Variants in IGSF11 observed in about 807,000 individuals in gnomAD.
IGSF11 encodes immunoglobulin superfamily member 11, also known as CXADR like 1.
A neutral mutation model predicts 41.0 loss-of-function variants in IGSF11; 22 were observed. That is an observed-to-expected ratio of 0.54 (90% CI 0.38 to 0.77). The LOEUF is 0.77. Ranked by LOEUF, IGSF11 falls within the 30% of genes least tolerant of loss-of-function variation. The pLI is 0.00. For missense variants in IGSF11, 444 were observed against 530.8 expected (o/e 0.84, Z 1.61); for synonymous variants, 219 against 201.3 (o/e 1.09, Z -0.74).
At position 119,034,586 on chromosome 3, in the gene IGSF11, G is replaced by T; in HGVS notation, c.-4C>A. 6.3e-7 allele frequency: 1 copy of T among 1,587,584 alleles called. No individual in the cohort carries two copies. The highest frequency in any genetic ancestry group is 8.6e-7 in the Non-Finnish European group (1 of 1,168,324). On this transcript the variant is annotated 5_prime_UTR_variant, in exon 1 of 7. Transcript: ENST00000393775. ...GAGGGGAACGCTGAGAAGTCATCCC[G>T]GGGCCGCAGGGAGCGCGCCTGCCTC...
chr3:119,083,872 T>TA (rs2076628221), intron 1 of IGSF11, among the ~76,000 whole-genome samples: 2 of 151,780 alleles, frequency 1.3e-5, no homozygotes, highest in South Asian at 4.2e-4. Context: ...TTATTTTTTT[T>TA]AAAAATTTAA....
chr3:119,012,331 A>G (rs918285296), intron 1 of IGSF11, among the ~76,000 whole-genome samples: 2 of 152,236 alleles, frequency 1.3e-5, no homozygotes, highest in African/African-American at 4.8e-5. Flanking sequence ...GGTATTTCCA[A>G]ACCTTTCGTG....
intron 1 of IGSF11, among the ~76,000 whole-genome samples, chr3:119,115,132 T>G (rs1426942247): frequency 6.6e-6 from 1 of 152,202 alleles, no homozygotes; most frequent in Non-Finnish European, 1.5e-5. Context: ...GAGATTTGGG[T>G]GAGGACACAA....
At chr3:118,914,464 G>C (rs1940803291) in intron 4 of IGSF11, among the ~76,000 whole-genome samples, 1 of 151,302 alleles carries the variant, frequency 6.6e-6, no homozygotes, top group African/African-American at 2.4e-5. Flanking sequence ...GGGTCAGGGA[G>C]TTCTCTTTCC....
In IGSF11 at chr3:119,074,783, C is replaced by T. The variant is rs190672403; in HGVS notation, c.49+30361G>A. The stretch of plus-strand genomic sequence containing the variant: ...GGGAGAATGGCATGAACCTGGGAGG[C>T]GGAGCTTGCAGTGAGCTGAGATCGC... On this transcript the variant is annotated intron_variant, in intron 1 of 6. Coordinates refer to the IGSF11 transcript ENST00000354673. Among the ~76,000 whole-genome samples the T allele has an allele frequency of 3.2e-3, 483 of 152,056 alleles. 2 individuals are homozygous for T. Among genetic ancestry groups the T allele is most frequent in the Middle Eastern group, 0.01 (3 of 294 alleles).
At chr3:119,026,635 T>A (rs1264012542) in intron 1 of IGSF11, among the ~76,000 whole-genome samples, 1 of 152,208 alleles carries the variant, frequency 6.6e-6, no homozygotes, top group African/African-American at 2.4e-5. Context: ...CATTAAAGAA[T>A]GTCTTTGATG....
intron 1 of IGSF11, among the ~76,000 whole-genome samples, chr3:119,014,230 T>C (rs1488675890): frequency 2.0e-5 from 3 of 152,226 alleles, no homozygotes; most frequent in Admixed American, 1.3e-4. Flanking sequence ...CTGCTGCAGA[T>C]TCTGAAATGA....
chr3:119,033,653 A>G (rs931503354), intron 1 of IGSF11, among the ~76,000 whole-genome samples: 3 of 152,218 alleles, frequency 2.0e-5, no homozygotes, highest in African/African-American at 7.2e-5. Context: ...TTAACCACAA[A>G]GTTCCAAAAT....
intron 2 of IGSF11, among the ~76,000 whole-genome samples, chr3:118,929,564 C>G (rs1042126261): frequency 2.6e-5 from 4 of 152,184 alleles, no homozygotes; most frequent in Admixed American, 2.6e-4. Flanking sequence ...GCAGTGAGTT[C>G]TACAAATTAT....
At chr3:119,106,690 A>C (rs2077032909), upstream of IGSF11, among the ~76,000 whole-genome samples, 1 of 151,740 alleles carries the variant, frequency 6.6e-6, no homozygotes, top group Non-Finnish European at 1.5e-5. Flanking sequence ...GCACCCATTA[A>C]CTCGTCGTTT....
chr3:119,127,383 T>C (rs2077418228), intron 1 of IGSF11, among the ~76,000 whole-genome samples: 1 of 150,900 alleles, frequency 6.6e-6, no homozygotes, highest in African/African-American at 2.4e-5. Flanking sequence ...CTTCATAAAA[T>C]GACCAAATCT....
intron 6 of IGSF11, among the ~76,000 whole-genome samples, 155 bp downstream of exon 6, chr3:118,904,493 T>C (rs921324107): frequency 3.3e-5 from 5 of 152,136 alleles, no homozygotes; most frequent in Non-Finnish European, 7.4e-5. Flanking sequence ...AGTAGTACCA[T>C]GAAGAAAAGT....
intron 1 of IGSF11, among the ~76,000 whole-genome samples, chr3:119,047,497 C>G (rs1941411332): frequency 1.3e-5 from 2 of 152,162 alleles, no homozygotes; most frequent in African/African-American, 4.8e-5. Context: ...ATTCATAAAG[C>G]AAGTCCTGAG....
chr3:119,016,818 C>A (rs1185167774), intron 1 of IGSF11, among the ~76,000 whole-genome samples: 1 of 152,154 alleles, frequency 6.6e-6, no homozygotes. Flanking sequence ...AAATCCCACT[C>A]AGATCCTGCA....
intron 1 of IGSF11, among the ~76,000 whole-genome samples, chr3:118,978,309 C>A (rs1934345155): frequency 6.6e-6 from 1 of 152,182 alleles, no homozygotes; most frequent in Admixed American, 6.5e-5. Flanking sequence ...CCCAACTGGT[C>A]ACAGCCACTG....
intron 1 of IGSF11, among the ~76,000 whole-genome samples, chr3:119,002,580 T>C (rs1436158987): frequency 7.1e-6 from 1 of 139,958 alleles, no homozygotes; most frequent in Admixed American, 7.0e-5. Context: ...TGCCTAGGTT[T>C]TCTTCTAGGG....
At chr3:119,005,853 C>T (rs1368620492) in intron 1 of IGSF11, among the ~76,000 whole-genome samples, 1 of 125,032 alleles carries the variant, frequency 8.0e-6, no homozygotes, top group Non-Finnish European at 1.6e-5. Flanking sequence ...TGATGGGCTT[C>T]CCTTTGAGGG....
At chr3:118,921,795 A>G (rs886968362) in intron 4 of IGSF11, among the ~76,000 whole-genome samples, 3 of 152,166 alleles carry the variant, frequency 2.0e-5, no homozygotes, top group Non-Finnish European at 2.9e-5. Context: ...CACATTTTCC[A>G]GAAAAATAGG....
chr3:119,000,071 T>A (rs939848440), intron 1 of IGSF11, among the ~76,000 whole-genome samples: 13 of 149,370 alleles, frequency 8.7e-5, no homozygotes, highest in Non-Finnish European at 1.3e-4. Flanking sequence ...TTCTTTTTTT[T>A]TTTTTTTTTT....
Sources: allele counts gnomAD v4.1 joint callset (sites outside exome capture counted in the v4.1 genomes callset), GRCh38; gene constraint gnomAD v4.1.1; transcripts MANE v1.5; gene names NCBI Gene and HGNC (gene_info 2026-07-23, HGNC 2026-07-21).